The following VPS26A variants were observed in gnomAD, a reference collection of about 807,000 sequenced individuals.
VPS26A encodes the protein vacuolar protein sorting-associated protein 26A.
In VPS26A, 22 loss-of-function variants were observed where a neutral mutation model predicts 42.4. That is an observed-to-expected ratio of 0.52 (90% CI 0.37 to 0.74). VPS26A has a LOEUF of 0.74. Among genes scored for constraint, VPS26A ranks in the 30% least tolerant of loss-of-function variants. The pLI, the probability that VPS26A is intolerant of heterozygous loss-of-function variation, is 0.00. For missense variants in VPS26A, 276 were observed against 379.2 expected (o/e 0.73, Z 2.26); for synonymous variants, 110 against 123.5 (o/e 0.89, Z 0.73).
chr10:69,145,272 T>A (rs889320694), intron 2 of VPS26A, among the ~76,000 whole-genome samples: 1 of 152,048 alleles, frequency 6.6e-6, no homozygotes, highest in Non-Finnish European at 1.5e-5. Context: ...TGACCTCAGG[T>A]GATCCACACA....
chr10:69,168,292 A>G (rs1231293597), intron 7 of VPS26A, among the ~76,000 whole-genome samples, 197 bp from the exon 8 acceptor site: 1 of 152,176 alleles, frequency 6.6e-6, no homozygotes, highest in Non-Finnish European at 1.5e-5. Context: ...CATCCTACAA[A>G]GGATAGGACC....
Position 69,167,151 on chromosome 10 carries a change from C to T in VPS26A, c.727+1041C>T, listed in dbSNP as rs537858203. Among the ~76,000 whole-genome samples, 144 of 115,304 alleles carry T rather than the reference C, an allele frequency of 1.2e-3. 1 individual carries two copies. The highest frequency in any genetic ancestry group is 2.0e-3 in the Non-Finnish European group (101 of 51,036). 75.6% of individuals were successfully genotyped at this position (115,304 alleles called of 152,430 possible). The stretch of plus-strand genomic sequence containing the variant: ...CAAAAAAAAAAAAAAATTCAGGGGC[C>T]GGGCGTGGTGGCTCACGCCTGTAAT... On this transcript the variant is annotated intron_variant, in intron 7 of 8. Transcript: ENST00000263559.
At chr10:69,142,914 C>T (rs1172364326) in intron 2 of VPS26A, among the ~76,000 whole-genome samples, 1 of 152,138 alleles carries the variant, frequency 6.6e-6, no homozygotes, top group Non-Finnish European at 1.5e-5. Flanking sequence ...CAGAACTGGT[C>T]ACCAAATCTC....
At chr10:69,136,419 G>A (rs537202933) in intron 2 of VPS26A, among the ~76,000 whole-genome samples, 2 of 150,280 alleles carry the variant, frequency 1.3e-5, no homozygotes, top group Admixed American at 6.6e-5. Context: ...CACGCGCCAC[G>A]ACATCCGGCT....
chr10:69,158,220 C>A lies in VPS26A; in HGVS notation c.551+9C>A. On this transcript the variant is annotated intron_variant, in intron 5 of 8. Transcript: ENST00000263559. ...GAATATAATAAATCAAAGTAAGTAT[C>A]ATTCACAGATAAGTTGTTCAGAGAA... The A allele has an allele frequency of 6.4e-7, 1 of 1,566,452 alleles. No homozygotes were observed. The highest frequency in any genetic ancestry group is 2.0e-5 in the Admixed American group (1 of 50,844).
At chr10:69,143,299 C>T (rs1841083474) in intron 2 of VPS26A, among the ~76,000 whole-genome samples, 1 of 152,122 alleles carries the variant, frequency 6.6e-6, no homozygotes, top group South Asian at 2.1e-4. Flanking sequence ...CTGGATCTCA[C>T]CTATAAGTTT....
At chr10:69,149,727 G>GTTTTTTTTTTTTTTTTTTT (rs151136046) in intron 2 of VPS26A, among the ~76,000 whole-genome samples, 3 of 93,952 alleles carry the variant, frequency 3.2e-5, no homozygotes, top group South Asian at 3.4e-4. Context: ...CTTTCTTGGT[G>GTTTTTTTTTTTTTTTTTTT]TTTTTTGTTT....
intron 2 of VPS26A, among the ~76,000 whole-genome samples, chr10:69,135,247 C>T (rs1840880228): frequency 6.6e-6 from 1 of 152,130 alleles, no homozygotes; most frequent in Non-Finnish European, 1.5e-5. Flanking sequence ...ATATAATAGG[C>T]TTTCACTAAA....
rs1841409879 is a variant in VPS26A at position 69,155,314 on chromosome 10, T to A, written c.154-498T>A. On this transcript the variant is annotated intron_variant, in intron 2 of 8. Transcript: ENST00000263559. ...AAAGTGATACCTCAATTACAATAAG[T>A]ATGAAGCTATGATTTGACCGACAAA... Among the ~76,000 whole-genome samples the A allele has an allele frequency of 2.6e-5, 4 of 152,210 alleles. No homozygotes were observed. In the South Asian group the frequency reaches 8.3e-4, roughly 32 times the overall value.
At chr10:69,125,433 C>T (rs1479054083) in intron 1 of VPS26A, among the ~76,000 whole-genome samples, 1 of 152,056 alleles carries the variant, frequency 6.6e-6, no homozygotes, top group Non-Finnish European at 1.5e-5. Context: ...GAGAGATAAA[C>T]ATTTATTTGT....
intron 1 of VPS26A, among the ~76,000 whole-genome samples, chr10:69,129,256 C>T (rs979874572): frequency 2.0e-5 from 3 of 152,038 alleles, no homozygotes; most frequent in Non-Finnish European, 2.9e-5. Flanking sequence ...AGCACATATT[C>T]GATTAGTAAA....
intron 2 of VPS26A, among the ~76,000 whole-genome samples, chr10:69,144,372 T>A (rs1249444313): frequency 6.6e-6 from 1 of 152,208 alleles, no homozygotes; most frequent in Non-Finnish European, 1.5e-5. Flanking sequence ...TATAGAATAG[T>A]TTAACCACCC....
intron 8 of VPS26A, 57 bp from the exon 9 acceptor site, chr10:69,171,099 A>C: frequency 1.2e-5 from 16 of 1,331,966 alleles, no homozygotes; most frequent in Non-Finnish European, 1.6e-5. Flanking sequence ...GGCAATCAAT[A>C]GAGATAAGGC....
At chr10:69,124,334 GGCGGGCCGGCCAACC>G in intron 1 of VPS26A, 54 bp downstream of exon 1, 2 of 1,233,858 alleles carry the variant, frequency 1.6e-6, no homozygotes, top group Admixed American at 4.3e-5. Flanking sequence ...CGGAGCGCGC[GGCGGGCCGGCCAACC>G]GCGGGCCGGG....
chr10:69,168,443 A>G (rs768897863), intron 7 of VPS26A, 46 bp from the exon 8 acceptor site: 18 of 1,586,514 alleles, frequency 1.1e-5, no homozygotes, highest in Admixed American at 1.8e-5. Flanking sequence ...TTATGTGACT[A>G]TATTTAATCA....
At chr10:69,153,191 A>C (rs1841358486) in intron 2 of VPS26A, among the ~76,000 whole-genome samples, 1 of 151,762 alleles carries the variant, frequency 6.6e-6, no homozygotes. Context: ...CTGGGATTAC[A>C]GGCATGTGCC....
intron 7 of VPS26A, among the ~76,000 whole-genome samples, chr10:69,167,547 C>G (rs1841717525): frequency 6.6e-6 from 1 of 151,868 alleles, no homozygotes; most frequent in Non-Finnish European, 1.5e-5. Context: ...ACTGGTCAGC[C>G]TGGCCAACAT....
At chr10:69,133,168 A>G (rs1438576962) in intron 2 of VPS26A, 121 bp downstream of exon 2, 18 of 1,002,944 alleles carry the variant, frequency 1.8e-5, no homozygotes, top group South Asian at 5.1e-5. Context: ...TTTTTTCCCT[A>G]AAGTTCAGCT....
chr10:69,160,520 C>T (rs1371337538), intron 5 of VPS26A, among the ~76,000 whole-genome samples: 2 of 150,778 alleles, frequency 1.3e-5, no homozygotes, highest in Admixed American at 6.6e-5. Context: ...GGCATGATCT[C>T]GGCTCACTGC....
Sources: gnomAD v4.1 joint callset for allele counts (sites outside exome capture counted in the v4.1 genomes callset) on GRCh38, gnomAD v4.1.1 for gene constraint, MANE v1.5 for transcripts, NCBI Gene and HGNC (gene_info 2026-07-23, HGNC 2026-07-21) for gene names.